Variants in KLHL8 observed in about 807,000 individuals in gnomAD.
KLHL8 encodes kelch like family member 8, also known as kelch-like protein 8.
In KLHL8, 38 loss-of-function variants were observed where a neutral mutation model predicts 63.5. The ratio of observed to expected loss-of-function variants is 0.60; its 90% CI spans 0.46 to 0.78. The LOEUF (loss-of-function observed/expected upper bound fraction) is 0.78. Among genes scored for constraint, KLHL8 ranks in the 30% least tolerant of loss-of-function variants. The pLI is 0.00. For synonymous variants in KLHL8, 224 were observed against 254.3 expected, an observed-to-expected ratio of 0.88 and a Z score of 1.13; for missense variants, 566 against 752.4, an observed-to-expected ratio of 0.75 and a Z score of 2.90.
chr4:87,200,486 A>G (rs1300009490), intron 1 of KLHL8, among the ~76,000 whole-genome samples: 3 of 152,324 alleles, frequency 2.0e-5, no homozygotes, highest in African/African-American at 4.8e-5. Flanking sequence ...AACATTTTCA[A>G]TCCATGTTTG....
At chr4:87,183,129 G>C (rs554253555) in intron 4 of KLHL8, 74 bp downstream of exon 4, 2 of 1,060,196 alleles carry the variant, frequency 1.9e-6, no homozygotes, top group Admixed American at 2.5e-5. Context: ...TTACAACTAA[G>C]TTTGGGCACA....
rs188435465 is a variant in KLHL8 at position 87,205,187 on chromosome 4, G to A, written c.-151-9497C>T. Among the ~76,000 whole-genome samples, 369 of 152,266 alleles carry A rather than the reference G, an allele frequency of 2.4e-3. 3 individuals carry two copies. Among genetic ancestry groups the A allele is most frequent in the Non-Finnish European group, 4.4e-3 (302 of 68,004 alleles). The stretch of plus-strand genomic sequence containing the variant: ...TTTGAGAGGACAAGCTAGGAGGATC[G>A]CTTGGGCCCAGGAGTTCAAGACCAG... On this transcript the variant is annotated intron_variant, in intron 1 of 9. Coordinates refer to ENST00000273963, the MANE Select transcript of KLHL8 (RefSeq NM_020803.5).
At chr4:87,223,595 C>T (rs1048567124), upstream of KLHL8, among the ~76,000 whole-genome samples, 5 of 151,826 alleles carry the variant, frequency 3.3e-5, no homozygotes, top group African/African-American at 1.2e-4. Flanking sequence ...ATGGGGTGGC[C>T]AGGGGTTTGG....
At chr4:87,207,343 T>C (rs1732171776) in intron 1 of KLHL8, 3 of 631,812 alleles carry the variant, frequency 4.7e-6, no homozygotes, top group Admixed American at 4.0e-5. Flanking sequence ...CAAAATCAAA[T>C]GGGGCAATGC....
At position 87,183,205 on chromosome 4, in the gene KLHL8, G is replaced by A. The variant is rs1731120323; in HGVS notation, c.950C>T (p.Ala317Val). ...SIRTTPRKHT[A>V]GVLFCVGGRG... is the part of the protein sequence containing the mutation. ...AATTGACAAAATAATTTGGTTACCA[G>A]CAGTATGCTTCCTTGGGGTAGTCCG... The change falls in exon 4 of 10, where the codon GCT (alanine) becomes GTT (valine). Residue 317 changes from alanine (A) to valine (V), a missense_variant and splice_region_variant. Ala to Val is a moderately conservative substitution (Grantham distance 64). Coordinates refer to ENST00000273963, the MANE Select transcript of KLHL8 (RefSeq NM_020803.5). 6.3e-7 allele frequency: 1 copy of A among 1,590,250 alleles called. No homozygotes were observed. The highest frequency in any genetic ancestry group is 8.6e-7 in the Non-Finnish European group (1 of 1,165,582).
intron 1 of KLHL8, among the ~76,000 whole-genome samples, chr4:87,231,416 T>G (rs1478031305): frequency 6.6e-6 from 1 of 152,162 alleles, no homozygotes; most frequent in African/African-American, 2.4e-5. Context: ...AGGCAGGTGC[T>G]CAGTGCCAGC....
chr4:87,231,599 C>T (rs1733139151), intron 1 of KLHL8, among the ~76,000 whole-genome samples: 1 of 151,864 alleles, frequency 6.6e-6, no homozygotes, highest in Non-Finnish European at 1.5e-5. Context: ...CCCACAAATA[C>T]TTCTTTTTTT....
At chr4:87,226,886 AT>A (rs1288677605) in intron 1 of KLHL8, among the ~76,000 whole-genome samples, 3 of 32,982 alleles carry the variant, frequency 9.1e-5, no homozygotes, top group Non-Finnish European at 9.9e-5. Flanking sequence ...AATAATATAT[AT>A]TATATATAAA....
chr4:87,226,028 A>G (rs1732966819), intron 1 of KLHL8, among the ~76,000 whole-genome samples: 1 of 152,134 alleles, frequency 6.6e-6, no homozygotes, highest in Non-Finnish European at 1.5e-5. Context: ...AATGAGAGCA[A>G]TTTGCCTCCA....
At chr4:87,186,884 A>G (rs1341759406) in intron 2 of KLHL8, among the ~76,000 whole-genome samples, 1 of 152,086 alleles carries the variant, frequency 6.6e-6, no homozygotes, top group Non-Finnish European at 1.5e-5. Context: ...CAGAGAGTAA[A>G]TATTTAGTAG....
At chr4:87,235,981 A>G (rs183512764) in intron 1 of KLHL8, among the ~76,000 whole-genome samples, 76 of 152,242 alleles carry the variant, frequency 5.0e-4, no homozygotes, top group African/African-American at 1.8e-3. Context: ...GCTGGAATAT[A>G]TTGGTAAAAC....
At chr4:87,227,863 A>G (rs1254223575) in intron 1 of KLHL8, among the ~76,000 whole-genome samples, 1 of 152,176 alleles carries the variant, frequency 6.6e-6, no homozygotes, top group African/African-American at 2.4e-5. Flanking sequence ...TTAAGAGCAT[A>G]CAGAGGTGCA....
rs1463384303 is a variant in KLHL8, at chr4:87,163,987, T to C, written c.1630A>G (p.Arg544Gly). Residue 544 changes from arginine to glycine, a missense_variant, in exon 9 of 10, where the codon AGA becomes GGA. Coordinates refer to ENST00000273963, the MANE Select transcript of KLHL8 (RefSeq NM_020803.5). Reference protein sequence around the residue: ...WDYVAALTTPRGGVGIATVMG... With the variant: ...WDYVAALTTPGGGVGIATVMG... ...ACTGTTGCGATTCCCACTCCACCTCTGGGAGTAGTAAGTGCTGCCACATAA... is the reference window on the plus strand; with the variant it reads ...ACTGTTGCGATTCCCACTCCACCTCCGGGAGTAGTAAGTGCTGCCACATAA... The C allele has an allele frequency of 1.9e-6, 3 of 1,614,158 alleles. No homozygotes were observed. The highest frequency in any genetic ancestry group is 2.5e-6 in the Non-Finnish European group (3 of 1,179,992).
rs1007862133 is a variant in KLHL8 at position 87,160,965 on chromosome 4, T to C, written c.*2554A>G. 1.3e-5 allele frequency: 2 copies of C among 152,202 alleles called. No individual in the cohort carries two copies. The highest frequency in any genetic ancestry group is 3.2e-3 in the Middle Eastern group (1 of 316). The allele number at this position is 152,202 out of a possible 1,614,324, so 9.4% of individuals were successfully genotyped here. A position where few individuals can be genotyped will look rare whatever the true frequency, so the allele number is the denominator to read the frequency against. On this transcript the variant is annotated 3_prime_UTR_variant, in exon 10 of 10. Transcript: ENST00000273963. ...CAGCTGCATGATTCCTTCAGCCTGA[T>C]TCTCATTTCATGTCTCAATAAACGT...
chr4:87,181,584 G>T (rs755755015), intron 4 of KLHL8, among the ~76,000 whole-genome samples: 2 of 150,030 alleles, frequency 1.3e-5, no homozygotes, highest in African/African-American at 2.4e-5. Context: ...TAGGAACATC[G>T]TATGGAAGGA....
At chr4:87,197,395 G>C (rs934626296) in intron 1 of KLHL8, among the ~76,000 whole-genome samples, 13 of 152,166 alleles carry the variant, frequency 8.5e-5, no homozygotes, top group African/African-American at 2.7e-4. Flanking sequence ...GCTTTCACCT[G>C]ACAGTCAATA....
At chr4:87,207,422 A>G in intron 1 of KLHL8, 1 of 693,060 alleles carries the variant, frequency 1.4e-6, no homozygotes, top group Non-Finnish European at 2.6e-6. Context: ...GCTCACTTGC[A>G]GGAAGGAGCC....
chr4:87,185,879 G>A lies in KLHL8; in HGVS notation c.217-80C>T, dbSNP rs556504073. On this transcript the variant is annotated intron_variant, in intron 2 of 9. Coordinates refer to ENST00000273963, the MANE Select transcript of KLHL8 (RefSeq NM_020803.5). ...CAGCATTTAACATGTGTTTGTAGCA[G>A]GGACAAAATTTCCAGACAAATTTAG... 1.1e-5 allele frequency: 14 copies of A among 1,230,552 alleles called. No individual in the cohort carries two copies. In the East Asian group the frequency reaches 3.3e-4, roughly 29 times the overall value. 76.2% of individuals were successfully genotyped at this position (1,230,552 alleles called of 1,614,324 possible). A position where few individuals can be genotyped will look rare whatever the true frequency, so the allele number is the denominator to read the frequency against.
chr4:87,211,214 C>T (rs1158217615), intron 1 of KLHL8, among the ~76,000 whole-genome samples: 4 of 152,166 alleles, frequency 2.6e-5, no homozygotes, highest in Non-Finnish European at 5.9e-5. Flanking sequence ...ATAATTTTAA[C>T]TAAAGTAACA....
Sources: allele counts gnomAD v4.1 joint callset (sites outside exome capture counted in the v4.1 genomes callset), GRCh38; gene constraint gnomAD v4.1.1; transcripts MANE v1.5; gene names NCBI Gene and HGNC (gene_info 2026-07-23, HGNC 2026-07-21).